The following ADGRA1 variants were observed in gnomAD, a reference collection of about 807,000 sequenced individuals.
ADGRA1 encodes the protein adhesion G protein-coupled receptor A1.
In ADGRA1, 12 loss-of-function variants were observed where a neutral mutation model predicts 21.3. The ratio of observed to expected loss-of-function variants is 0.56; its 90% confidence interval spans 0.36 to 0.91. The LOEUF (loss-of-function observed/expected upper bound fraction) is 0.91. ADGRA1 is among the 40% of genes least tolerant of loss of function. The pLI is 0.01. For synonymous variants in ADGRA1, 385 were observed against 368.8 expected (o/e 1.04, Z -0.50); for missense variants, 790 against 805.6 (o/e 0.98, Z 0.23).
chr10:133,110,619 AG>A (rs769129645), intron 5 of ADGRA1, among the ~76,000 whole-genome samples: 6 of 152,254 alleles, frequency 3.9e-5, no homozygotes, highest in Non-Finnish European at 7.3e-5. Context: ...AGCCTGAGAG[AG>A]AGAGAGTCGG....
At chr10:133,104,133 C>T (rs1851851843) in intron 5 of ADGRA1, among the ~76,000 whole-genome samples, 1 of 152,258 alleles carries the variant, frequency 6.6e-6, no homozygotes, top group Non-Finnish European at 1.5e-5. Context: ...ACAGCCACGT[C>T]CTGTATTGTT....
At chr10:133,115,116 G>A (rs1235644776) in intron 5 of ADGRA1, among the ~76,000 whole-genome samples, 1 of 152,164 alleles carries the variant, frequency 6.6e-6, no homozygotes, top group Middle Eastern at 3.2e-3. Context: ...TCCCGGAAGG[G>A]CCCAGTGGTC....
intron 5 of ADGRA1, among the ~76,000 whole-genome samples, chr10:133,125,263 A>G (rs1255213319): frequency 6.6e-6 from 1 of 152,188 alleles, no homozygotes; most frequent in African/African-American, 2.4e-5. Flanking sequence ...GTTAAAATTA[A>G]TTGGAATTTT....
intron 5 of ADGRA1, among the ~76,000 whole-genome samples, chr10:133,126,994 G>A (rs1462838623): frequency 6.6e-6 from 1 of 151,810 alleles, no homozygotes; most frequent in East Asian, 1.9e-4. Flanking sequence ...GCCCACCCGT[G>A]AAAGGACCTG....
chr10:133,116,305 G>T (rs960211729), intron 5 of ADGRA1, among the ~76,000 whole-genome samples: 5 of 151,592 alleles, frequency 3.3e-5, no homozygotes, highest in African/African-American at 1.2e-4. Context: ...GCCTGTGGGG[G>T]ACCCCAAAGC....
chr10:133,096,905 C>A, intron 2 of ADGRA1, 69 bp from the exon 3 acceptor site: 1 of 1,551,944 alleles, frequency 6.4e-7, no homozygotes, highest in South Asian at 1.2e-5. Flanking sequence ...CAAGGGTAGG[C>A]TCAGGCGACG....
intron 5 of ADGRA1, among the ~76,000 whole-genome samples, chr10:133,111,266 CCT>C: frequency 9.6e-6 from 1 of 104,592 alleles, no homozygotes; most frequent in African/African-American, 5.1e-5. Flanking sequence ...ACCACAGGCA[CCT>C]CCCTCCTAAT....
rs775125174 is a variant in ADGRA1, at chr10:133,111,308, CA to C, written c.401+8467del. On this transcript the variant is annotated intron_variant, in intron 5 of 6. Transcript: ENST00000392607. ...CCAGACAACCTGCCCCCCCGGGAAC[CA>C]TCCCTCCTAATCCCACCAGACCACC... Among the ~76,000 whole-genome samples the C allele has an allele frequency of 1.7e-3, 89 of 53,308 alleles. 13 individuals are homozygous for C. The highest frequency in any genetic ancestry group is 2.4e-3 in the Non-Finnish European group (66 of 27,550). The allele number at this position is 53,308 out of a possible 152,430, so 35.0% of individuals were successfully genotyped here.
At position 133,129,305 on chromosome 10, in the gene ADGRA1, C is replaced by G. The variant is rs1464968066; in HGVS notation, c.1477C>G (p.Leu493Val). Reference sequence around the variant, plus strand: ...CGAGGGCAGTGATGGGAGCCCTGCCCTCTACAGCTGCCCCACGCAGCCGGG... The same window carrying G: ...CGAGGGCAGTGATGGGAGCCCTGCCGTCTACAGCTGCCCCACGCAGCCGGG... ...QPEGSDGSPA[L>V]YSCPTQPGRE... The change falls in exon 7 of 7, where the codon CTC becomes GTC. Residue 493 changes from leucine (L) to valine (V), a missense_variant. Transcript: ENST00000392607. The G allele has an allele frequency of 6.4e-7, 1 of 1,554,924 alleles. No homozygotes were observed.
chr10:133,121,939 G>A (rs1179750653), intron 5 of ADGRA1, among the ~76,000 whole-genome samples: 1 of 151,162 alleles, frequency 6.6e-6, no homozygotes, highest in South Asian at 2.1e-4. Flanking sequence ...GCCAGTGTGT[G>A]TGTGAGTGTG....
intron 5 of ADGRA1, among the ~76,000 whole-genome samples, chr10:133,113,080 G>T (rs1242758988): frequency 6.9e-6 from 1 of 143,952 alleles, no homozygotes; most frequent in Non-Finnish European, 1.6e-5. Flanking sequence ...GGGGTCTGCG[G>T]GCCGTGTCGG....
chr10:133,100,431 C>A (rs887438185), intron 4 of ADGRA1, among the ~76,000 whole-genome samples: 1 of 152,222 alleles, frequency 6.6e-6, no homozygotes, highest in Non-Finnish European at 1.5e-5. Flanking sequence ...GGGTGAGGCC[C>A]CCCGAGGGCC....
intron 4 of ADGRA1, among the ~76,000 whole-genome samples, chr10:133,100,131 C>A (rs556689074): frequency 2.3e-4 from 35 of 152,358 alleles, no homozygotes; most frequent in African/African-American, 8.2e-4. Context: ...GTCTGTGTGA[C>A]CACACTTCAT....
At chr10:133,095,534 G>T in intron 2 of ADGRA1, 1 of 1,258,492 alleles carries the variant, frequency 7.9e-7, no homozygotes, top group Non-Finnish European at 1.1e-6. Flanking sequence ...ACAGGTCCAG[G>T]CTCCTCGTCC....
chr10:133,092,668 A>C (rs954741351), intron 2 of ADGRA1, among the ~76,000 whole-genome samples: 5 of 152,004 alleles, frequency 3.3e-5, no homozygotes, highest in African/African-American at 9.7e-5. Context: ...AGGAAGTAAA[A>C]CAGGGAGAAC....
In ADGRA1 at chr10:133,107,179, T is replaced by C. The variant is rs186233710; in HGVS notation, c.401+4337T>C. Among the ~76,000 whole-genome samples the C allele has an allele frequency of 3.3e-5, 5 of 152,364 alleles. No homozygotes were observed. In the East Asian group the frequency reaches 5.8e-4, roughly 18 times the overall value. On this transcript the variant is annotated intron_variant, in intron 5 of 6. Transcript: ENST00000392607. ...GAACAAAACACAACCGATTTCTGTG[T>C]GCCAACCTTGTGTCCGGCAGCTTTG...
intron 5 of ADGRA1, among the ~76,000 whole-genome samples, chr10:133,112,860 G>T (rs1852081599): frequency 6.8e-6 from 1 of 147,548 alleles, no homozygotes; most frequent in African/African-American, 2.5e-5. Flanking sequence ...AGGTCTGCGG[G>T]CCACGTCGGT....
intron 1 of ADGRA1, 101 bp from the exon 2 acceptor site, chr10:133,088,607 G>A (rs994045470): frequency 8.3e-6 from 6 of 719,970 alleles, no homozygotes; most frequent in Admixed American, 9.5e-5. Context: ...GGAGGGGAGG[G>A]AGCGACAGGG....
At chr10:133,122,460 G>A (rs925256829) in intron 5 of ADGRA1, among the ~76,000 whole-genome samples, 10 of 152,240 alleles carry the variant, frequency 6.6e-5, no homozygotes, top group Admixed American at 6.5e-5. Context: ...GCTAATGGGC[G>A]AGGGGCTGGG....
Sources: allele counts gnomAD v4.1 joint callset (sites outside exome capture counted in the v4.1 genomes callset), GRCh38; gene constraint gnomAD v4.1.1; transcripts MANE v1.5; gene names NCBI Gene and HGNC (gene_info 2026-07-23, HGNC 2026-07-21).